The following PTPN13 variants were observed in gnomAD, a reference collection of about 807,000 sequenced individuals.
The protein encoded by PTPN13 is protein tyrosine phosphatase non-receptor type 13.
Under a neutral mutation model 284.0 loss-of-function variants are expected in PTPN13, and 191 were observed. That is an observed-to-expected ratio of 0.67 (90% confidence interval 0.60 to 0.76). The LOEUF is 0.76. Among genes scored for constraint, PTPN13 ranks in the 30% least tolerant of loss-of-function variants. The pLI, the probability that PTPN13 is intolerant of heterozygous loss-of-function variation, is 0.00. For missense variants in PTPN13, 2,797 were observed against 2,939.9 expected, an observed-to-expected ratio of 0.95 and a Z score of 1.12; for synonymous variants, 986 against 1,022.3, an observed-to-expected ratio of 0.96 and a Z score of 0.68.
intron 1 of PTPN13, among the ~76,000 whole-genome samples, chr4:86,628,412 G>GT (rs986739094): frequency 1.3e-5 from 2 of 150,940 alleles, no homozygotes; most frequent in African/African-American, 4.9e-5. Flanking sequence ...GGATTGTTTG[G>GT]TTTTTTAATT....
intron 9 of PTPN13, among the ~76,000 whole-genome samples, chr4:86,720,385 T>C (rs1733519082): frequency 6.6e-6 from 1 of 152,128 alleles, no homozygotes; most frequent in Non-Finnish European, 1.5e-5. Flanking sequence ...GTTTAAGGGG[T>C]AAACTGTCTT....
chr4:86,672,583 G>A (rs771119216), intron 3 of PTPN13, 40 bp downstream of exon 3: 1 of 1,493,112 alleles, frequency 6.7e-7, no homozygotes, highest in East Asian at 2.4e-5. Flanking sequence ...TTATTTGGGT[G>A]GGGATAGGTC....
At chr4:86,678,120 C>T (rs921619315) in intron 3 of PTPN13, among the ~76,000 whole-genome samples, 11 of 152,300 alleles carry the variant, frequency 7.2e-5, no homozygotes, top group African/African-American at 2.6e-4. Context: ...AACTAACCAT[C>T]ACACTCAGTA....
chr4:86,742,187 G>A (rs913617844), intron 16 of PTPN13, among the ~76,000 whole-genome samples: 4 of 152,150 alleles, frequency 2.6e-5, no homozygotes, highest in African/African-American at 9.7e-5. Context: ...AGTGAACCTT[G>A]TCTGGCCCAA....
chr4:86,714,759 C>T (rs1732825835), intron 7 of PTPN13, among the ~76,000 whole-genome samples: 1 of 152,088 alleles, frequency 6.6e-6, no homozygotes, highest in Non-Finnish European at 1.5e-5. Context: ...AGAAAATATT[C>T]ATTTTGTGCT....
chr4:86,716,132 A>G (rs1732986583), intron 7 of PTPN13, among the ~76,000 whole-genome samples: 1 of 152,158 alleles, frequency 6.6e-6, no homozygotes, highest in Admixed American at 6.5e-5. Flanking sequence ...ACATTGAAAA[A>G]CTGTGATAAT....
chr4:86,763,477 T>C (rs1256102642), intron 24 of PTPN13, among the ~76,000 whole-genome samples: 1 of 152,240 alleles, frequency 6.6e-6, no homozygotes, highest in East Asian at 1.9e-4. Flanking sequence ...TCTGGCATAT[T>C]TAATGTTTGT....
At chr4:86,752,324 C>A (rs1288228940) in intron 19 of PTPN13, among the ~76,000 whole-genome samples, 1 of 152,088 alleles carries the variant, frequency 6.6e-6, no homozygotes, top group African/African-American at 2.4e-5. Flanking sequence ...AAAGACAATT[C>A]TGCATTATAA....
intron 12 of PTPN13, 48 bp from the exon 13 acceptor site, chr4:86,734,255 C>A: frequency 7.5e-7 from 1 of 1,340,572 alleles, no homozygotes. Flanking sequence ...GAAGAAAACA[C>A]TAAAGTATTT....
intron 10 of PTPN13, among the ~76,000 whole-genome samples, chr4:86,723,912 T>C (rs1334466387): frequency 6.6e-6 from 1 of 152,228 alleles, no homozygotes; most frequent in Non-Finnish European, 1.5e-5. Flanking sequence ...TTTTCTGTTC[T>C]TTGCTTCAGA....
At chr4:86,611,796 G>A (rs1457852102) in intron 1 of PTPN13, among the ~76,000 whole-genome samples, 1 of 152,010 alleles carries the variant, frequency 6.6e-6, no homozygotes. Flanking sequence ...AGAGAAGTGA[G>A]AACTGCAGAG....
At chr4:86,676,302 T>C (rs72872203) in intron 3 of PTPN13, among the ~76,000 whole-genome samples, 2 of 152,334 alleles carry the variant, frequency 1.3e-5, no homozygotes, top group African/African-American at 4.8e-5. Context: ...ATGTTGGGCT[T>C]GTAGGGATAC....
At chr4:86,657,298 A>G (rs1465386137) in intron 2 of PTPN13, among the ~76,000 whole-genome samples, 1 of 151,972 alleles carries the variant, frequency 6.6e-6, no homozygotes. Flanking sequence ...ATGTCTCTGC[A>G]TTTTCTGCGT....
intron 7 of PTPN13, among the ~76,000 whole-genome samples, chr4:86,704,570 A>G (rs1578452821): frequency 6.6e-6 from 1 of 152,200 alleles, no homozygotes; most frequent in African/African-American, 2.4e-5. Context: ...GATGATACAT[A>G]ATTCTTGTAG....
intron 7 of PTPN13, among the ~76,000 whole-genome samples, chr4:86,705,171 T>TA (rs1489040569): frequency 6.6e-6 from 1 of 151,816 alleles, no homozygotes; most frequent in Non-Finnish European, 1.5e-5. Flanking sequence ...CCATCTCTAC[T>TA]AAAAATACAA....
chr4:86,653,665 T>A (rs1365052505), intron 2 of PTPN13, among the ~76,000 whole-genome samples: 1 of 152,120 alleles, frequency 6.6e-6, no homozygotes, highest in Non-Finnish European at 1.5e-5. Flanking sequence ...AAACATAAAT[T>A]CAACATTGCA....
chr4:86,652,127 G>A (rs1725158234), intron 2 of PTPN13, among the ~76,000 whole-genome samples: 1 of 151,990 alleles, frequency 6.6e-6, no homozygotes, highest in African/African-American at 2.4e-5. Flanking sequence ...CAGTTTTTTT[G>A]TTTGGTTGAT....
At chr4:86,804,351 C>A (rs1044165813) in intron 43 of PTPN13, among the ~76,000 whole-genome samples, 1 of 152,298 alleles carries the variant, frequency 6.6e-6, no homozygotes, top group Non-Finnish European at 1.5e-5. Flanking sequence ...GACCTTGCCC[C>A]TCTTCCTCAA....
chr4:86,700,447 G>A (rs1298773715), intron 6 of PTPN13, among the ~76,000 whole-genome samples: 1 of 151,898 alleles, frequency 6.6e-6, no homozygotes, highest in Non-Finnish European at 1.5e-5. Flanking sequence ...TTTTTGGTGT[G>A]TGTCACATTT....
Sources: allele counts gnomAD v4.1 joint callset (sites outside exome capture counted in the v4.1 genomes callset), GRCh38; gene constraint gnomAD v4.1.1; transcripts MANE v1.5; gene names NCBI Gene and HGNC (gene_info 2026-07-23, HGNC 2026-07-21).